Variants in PDE8B observed in about 807,000 individuals in gnomAD.
PDE8B encodes the protein phosphodiesterase 8B.
Under a neutral mutation model 101.3 loss-of-function variants are expected in PDE8B, and 26 were observed. That is an observed-to-expected ratio of 0.26 (90% CI 0.19 to 0.36). The LOEUF (loss-of-function observed/expected upper bound fraction) is 0.36, where lower values mean the gene tolerates loss of function less well. Among genes scored for constraint, PDE8B ranks in the 10% least tolerant of loss-of-function variants. The pLI is 1.00. For synonymous variants in PDE8B, 424 were observed against 429.3 expected (o/e 0.99, Z 0.15); for missense variants, 810 against 1,163.1 (o/e 0.70, Z 4.42).
intron 10 of PDE8B, among the ~76,000 whole-genome samples, chr5:77,357,959 G>T (rs879423307): frequency 6.6e-6 from 1 of 152,152 alleles, no homozygotes; most frequent in African/African-American, 2.4e-5. Flanking sequence ...GGTTCCCACC[G>T]CCAGGCCAGC....
At chr5:77,358,971 A>G (rs144262086) in intron 10 of PDE8B, among the ~76,000 whole-genome samples, 1 of 152,336 alleles carries the variant, frequency 6.6e-6, no homozygotes, top group Non-Finnish European at 1.5e-5. Flanking sequence ...ATTTACAAGA[A>G]TCTATTTAAA....
the PDE8B span, among the ~76,000 whole-genome samples, chr5:77,122,974 T>C: frequency 6.6e-6 from 1 of 152,180 alleles, no homozygotes; most frequent in Admixed American, 6.5e-5. Flanking sequence ...GAGATGAAAT[T>C]ATACAAAGTG....
At chr5:77,315,902 T>G (rs1773681928) in intron 2 of PDE8B, among the ~76,000 whole-genome samples, 1 of 152,178 alleles carries the variant, frequency 6.6e-6, no homozygotes, top group Admixed American at 6.5e-5. Flanking sequence ...CTTTTTCTGT[T>G]TTTTTCTTTC....
the PDE8B span, among the ~76,000 whole-genome samples, chr5:77,130,274 T>C: frequency 6.6e-6 from 1 of 152,088 alleles, no homozygotes. Context: ...ATAGCTGTGA[T>C]TGGTGTGGGG....
intron 1 of PDE8B, among the ~76,000 whole-genome samples, chr5:77,244,373 A>G (rs969230555): frequency 2.0e-5 from 3 of 152,164 alleles, no homozygotes; most frequent in Admixed American, 2.0e-4. Flanking sequence ...CAATGTGGCC[A>G]AAGTCACAGG....
intron 1 of PDE8B, among the ~76,000 whole-genome samples, chr5:77,299,500 C>T (rs1769419065): frequency 6.8e-6 from 1 of 147,004 alleles, no homozygotes. Flanking sequence ...TCAGTTCCCA[C>T]CTATGAGTGA....
the PDE8B span, chr5:77,106,382 T>C: frequency 2.6e-5 from 4 of 152,226 alleles, no homozygotes; most frequent in African/African-American, 9.6e-5. Context: ...TCTTTTGCAA[T>C]GAATGTCCTA....
the PDE8B span, among the ~76,000 whole-genome samples, chr5:77,124,128 C>G: frequency 6.0e-3 from 916 of 152,262 alleles, 9 homozygotes; most frequent in African/African-American, 0.021. Context: ...AGAATTTCAG[C>G]ACCCAACAAT....
rs76807946 is a variant in PDE8B, at chr5:77,338,537, G to A, written c.797+1222G>A. On this transcript the variant is annotated intron_variant, in intron 6 of 21. Transcript: ENST00000264917. ...AAATATTGCCAAAGACTTTTTGAGC[G>A]TATAAGTAAGCTAGATCCTGTGGTT... Among the ~76,000 whole-genome samples, 47 of 152,258 alleles carry A rather than the reference G, an allele frequency of 3.1e-4. 1 individual carries two copies. The East Asian group carries it at 3.3e-3, about 11-fold the overall frequency.
chr5:77,102,647 A>T, the PDE8B span, among the ~76,000 whole-genome samples: 1 of 152,176 alleles, frequency 6.6e-6, no homozygotes, highest in East Asian at 1.9e-4. Flanking sequence ...CTCCTGACAC[A>T]GTGCCTTGTC....
intron 10 of PDE8B, among the ~76,000 whole-genome samples, chr5:77,367,650 C>T (rs998305641): frequency 6.6e-6 from 1 of 151,864 alleles, no homozygotes; most frequent in African/African-American, 2.4e-5. Context: ...CCTGCCTCAG[C>T]CTCCCAAGTA....
chr5:77,425,871 AAC>A lies in PDE8B; in HGVS notation c.2525_2526del (p.Thr842ArgfsTer4). The part of the protein sequence containing the change: ...SQISFIDYFI[T>X]DMFDAWDAFA... Reference sequence around the variant, plus strand: ...AGATCTCTTTCATTGACTACTTCATAACAGACATGTTTGATGCTTGGGATGGT... The same window carrying A: ...AGATCTCTTTCATTGACTACTTCATAAGACATGTTTGATGCTTGGGATGGT... On this transcript the variant is annotated frameshift_variant, in exon 21 of 22. Transcript: ENST00000264917. LOFTEE classifies it high-confidence loss of function. 6.2e-7 allele frequency: 1 copy of A among 1,613,832 alleles called. No individual in the cohort carries two copies. The highest frequency in any genetic ancestry group is 1.1e-5 in the South Asian group (1 of 91,076).
chr5:77,290,179 C>T, intron 1 of PDE8B: 1 of 1,476,502 alleles, frequency 6.8e-7, no homozygotes, highest in East Asian at 2.5e-5. Flanking sequence ...CATTAAAAAC[C>T]ATTGATGTGG....
intron 1 of PDE8B, among the ~76,000 whole-genome samples, chr5:77,307,529 A>G (rs986121534): frequency 6.6e-6 from 1 of 152,160 alleles, no homozygotes; most frequent in Non-Finnish European, 1.5e-5. Context: ...TCATGGACCC[A>G]TGTTGCCAGC....
chr5:77,231,510 T>C (rs1753553979), intron 1 of PDE8B, among the ~76,000 whole-genome samples: 1 of 152,202 alleles, frequency 6.6e-6, no homozygotes, highest in South Asian at 2.1e-4. Context: ...CTGTCTTTTG[T>C]GTGATAATCA....
chr5:77,149,825 A>G, the PDE8B span, among the ~76,000 whole-genome samples: 1 of 151,800 alleles, frequency 6.6e-6, no homozygotes. Flanking sequence ...TTCTTCCTTT[A>G]CTCTCAGTCT....
the PDE8B span, among the ~76,000 whole-genome samples, chr5:77,172,427 A>C: frequency 6.6e-6 from 1 of 152,212 alleles, no homozygotes; most frequent in African/African-American, 2.4e-5. Flanking sequence ...GCAGACAATG[A>C]CGGTGTTTGT....
chr5:77,102,772 C>G, the PDE8B span, among the ~76,000 whole-genome samples: 1 of 152,196 alleles, frequency 6.6e-6, no homozygotes, highest in Non-Finnish European at 1.5e-5. Context: ...CCCCACTCAG[C>G]CAGAAACCCA....
upstream of PDE8B, among the ~76,000 whole-genome samples, chr5:77,206,192 C>T (rs1349482711): frequency 6.6e-6 from 1 of 152,142 alleles, no homozygotes; most frequent in Non-Finnish European, 1.5e-5. Context: ...TATTTGAGCA[C>T]CTACCATGTC....
Sources: allele counts gnomAD v4.1 joint callset (sites outside exome capture counted in the v4.1 genomes callset), GRCh38; gene constraint gnomAD v4.1.1; transcripts MANE v1.5; gene names NCBI Gene and HGNC (gene_info 2026-07-23, HGNC 2026-07-21).